ANK1: variants seen among roughly 807,000 people sequenced by gnomAD.
ANK1 encodes ankyrin-1.
ANK1 carries 51 observed loss-of-function variants against 210.4 expected under a neutral mutation model. The ratio of observed to expected loss-of-function variants is 0.24; its 90% CI spans 0.19 to 0.31. The LOEUF is 0.31. Among genes scored for constraint, ANK1 ranks in the 10% least tolerant of loss-of-function variants. The pLI is 1.00. For missense variants in ANK1, 2,051 were observed against 2,504.4 expected, an observed-to-expected ratio of 0.82 and a Z score of 3.86; for synonymous variants, 967 against 1,025.9, an observed-to-expected ratio of 0.94 and a Z score of 1.10.
At chr8:41,763,674 T>C (rs781600278) in intron 1 of ANK1, among the ~76,000 whole-genome samples, 1 of 152,028 alleles carries the variant, frequency 6.6e-6, no homozygotes, top group Admixed American at 6.5e-5. Context: ...GGAAAAATGC[T>C]AGGAGGTCCC....
intron 1 of ANK1, among the ~76,000 whole-genome samples, chr8:41,769,299 C>T (rs1842528637): frequency 6.6e-6 from 1 of 152,230 alleles, no homozygotes; most frequent in Non-Finnish European, 1.5e-5. Context: ...ACAGCCCCTT[C>T]CCTCCCCAGG....
At position 41,655,742 on chromosome 8, in the gene ANK1, C is replaced by T. The variant is rs752874877; in HGVS notation, c.*48G>A. 1.2e-5 allele frequency: 19 copies of T among 1,614,008 alleles called. No homozygotes were observed. The highest frequency in any genetic ancestry group is 1.7e-4 in the Middle Eastern group (1 of 6,054). On this transcript the variant is annotated 3_prime_UTR_variant, in exon 43 of 43. Transcript: ENST00000289734. ...TGTGTGGGGTTCAGGGGTTGGGTGT[C>T]GAGGTGTGATCCTGGGAGACACAAA... is the stretch of plus-strand genomic sequence containing the variant.
rs1563787715 is a variant in ANK1 at position 41,794,266 on chromosome 8, C to CCTCCTCCTG, written c.27+3237_27+3245dup. On this transcript the variant is annotated intron_variant, in intron 1 of 42. Coordinates refer to ENST00000289734, the MANE Select transcript of ANK1 (RefSeq NM_000037.4). ...CCCTTTCCCAATCTCTCTGACCTCA[C>CCTCCTCCTG]CTCCTCCTGCTCCTCCTGCCTCACT... 2.0e-5 allele frequency among the ~76,000 whole-genome samples: 3 copies of CCTCCTCCTG among 152,352 alleles called. No individual in the cohort carries two copies. In the East Asian group the frequency reaches 5.8e-4, roughly 29 times the overall value.
At chr8:41,787,334 C>T (rs1280192296) in intron 1 of ANK1, among the ~76,000 whole-genome samples, 1 of 152,198 alleles carries the variant, frequency 6.6e-6, no homozygotes, top group Non-Finnish European at 1.5e-5. Flanking sequence ...GAAAAGCCTC[C>T]CCTACCTATG....
At chr8:41,657,552 G>A (rs1032956535) in intron 42 of ANK1, among the ~76,000 whole-genome samples, 6 of 152,202 alleles carry the variant, frequency 3.9e-5, no homozygotes, top group Admixed American at 2.6e-4. Context: ...CAGCCTCCTG[G>A]TGCTCCCCAC....
intron 1 of ANK1, among the ~76,000 whole-genome samples, chr8:41,888,540 G>A (rs1247728704): frequency 6.6e-6 from 1 of 152,212 alleles, no homozygotes; most frequent in Non-Finnish European, 1.5e-5. Context: ...TTCTGGGATA[G>A]GCCTGGGAAG....
At chr8:41,679,631 C>T (rs917167637) in intron 37 of ANK1, among the ~76,000 whole-genome samples, 5 of 139,468 alleles carry the variant, frequency 3.6e-5, no homozygotes, top group Admixed American at 2.3e-4. Flanking sequence ...GGCGCAATCT[C>T]GGCTCACTGC....
In ANK1 at chr8:41,694,573, C is replaced by T. The variant is rs200871595; in HGVS notation, c.3327+19G>A. The T allele has an allele frequency of 2.3e-5, 37 of 1,608,274 alleles. No homozygotes were observed. The highest frequency in any genetic ancestry group is 2.0e-4 in the Middle Eastern group (1 of 4,976). On this transcript the variant is annotated intron_variant, in intron 28 of 42. Transcript: ENST00000289734. The surrounding 1 kb of genome is among the most constrained non-coding windows in gnomAD (Gnocchi z 5.7). ...AGTTCAGTCCACCCCCAGGACCTGG[C>T]GGGGAGGAGGGCTGTCACCTGCAGA...
At chr8:41,752,150 C>T (rs776152064) in intron 2 of ANK1, among the ~76,000 whole-genome samples, 10 of 152,320 alleles carry the variant, frequency 6.6e-5, no homozygotes, top group Admixed American at 1.3e-4. Flanking sequence ...AAATAGTCAC[C>T]TTGACCTTCC....
At chr8:41,675,346 CT>C (rs1813788070) in intron 37 of ANK1, among the ~76,000 whole-genome samples, 1 of 152,220 alleles carries the variant, frequency 6.6e-6, no homozygotes, top group African/African-American at 2.4e-5. Context: ...ATTCGCTTGC[CT>C]CAGCCTCCCA....
At position 41,700,584 on chromosome 8, in the gene ANK1, A is replaced by G. The variant is rs949287376; in HGVS notation, c.2461+966T>C. On this transcript the variant is annotated intron_variant, in intron 22 of 42. Coordinates refer to ENST00000289734, the MANE Select transcript of ANK1 (RefSeq NM_000037.4). ...GTTGACAAAGTTATACAACCATGAA[A>G]TTATCCAGATGGAAGGGACCACTGA... 264 of 946,656 alleles carry G rather than the reference A, an allele frequency of 2.8e-4. 1 individual carries two copies. The highest frequency in any genetic ancestry group is 4.9e-5 in the Non-Finnish European group (29 of 590,106). 58.6% of individuals were successfully genotyped at this position (946,656 alleles called of 1,614,324 possible).
intron 1 of ANK1, among the ~76,000 whole-genome samples, chr8:41,890,581 C>T (rs568731025): frequency 1.6e-3 from 245 of 152,044 alleles, no homozygotes; most frequent in African/African-American, 5.6e-3. Flanking sequence ...TGGTGACACG[C>T]GCCTGTAGTC....
At chr8:41,675,906 C>T (rs900716696) in intron 37 of ANK1, among the ~76,000 whole-genome samples, 3 of 152,194 alleles carry the variant, frequency 2.0e-5, no homozygotes, top group South Asian at 2.1e-4. Context: ...TTTCACTCAA[C>T]GTAGTCAATT....
At chr8:41,696,336 GA>G in intron 26 of ANK1, 26 bp downstream of exon 26, 1 of 1,610,632 alleles carries the variant, frequency 6.2e-7, no homozygotes, top group African/African-American at 1.3e-5. Context: ...GGACAGGGGA[GA>G]ACACGGGCTG....
intron 1 of ANK1, among the ~76,000 whole-genome samples, chr8:41,822,097 AGAGAGAGAGAGAGAG>A (rs1563844827): frequency 7.5e-5 from 4 of 53,428 alleles, no homozygotes; most frequent in African/African-American, 3.7e-4. Flanking sequence ...AGAGAGAGAG[AGAGAGAGAGAGAGAG>A]AGAAAGAAAG....
chr8:41,841,227 G>T lies in ANK1; in HGVS notation c.126+55128C>A, dbSNP rs548017776. ...CAGAATATTATTCAGCCTTGAAAAT[G>T]AGGGAAATCCTACTGGGAACTTGGA... On this transcript the variant is annotated intron_variant, in intron 1 of 42. Coordinates refer to the ANK1 transcript ENST00000265709. Among the ~76,000 whole-genome samples the T allele has an allele frequency of 5.9e-5, 9 of 152,336 alleles. No individual in the cohort carries two copies. In the East Asian group the frequency reaches 7.7e-4, roughly 13 times the overall value.
chr8:41,822,386 T>C (rs185367652), intron 1 of ANK1, among the ~76,000 whole-genome samples: 1 of 152,272 alleles, frequency 6.6e-6, no homozygotes, highest in East Asian at 1.9e-4. Context: ...GGGAATGAGG[T>C]GGATCCGTTT....
At chr8:41,741,474 G>A (rs1206520337) in intron 2 of ANK1, among the ~76,000 whole-genome samples, 1 of 152,082 alleles carries the variant, frequency 6.6e-6, no homozygotes, top group Non-Finnish European at 1.5e-5. Context: ...CAGCACTTTG[G>A]GAGGCTGAGG....
In ANK1 at chr8:41,672,757, C is replaced by T. The variant is rs762286773; in HGVS notation, c.4693G>A (p.Asp1565Asn). ...AGGCCCGCAGACCACACCTGCATGT[C>T]AGACATCTCCAGCATGGTGTCATGC... Reference protein sequence around the residue: ...TEHDTMLEMSDMQVWSAGLTP... With the variant: ...TEHDTMLEMSNMQVWSAGLTP... Residue 1565 changes from aspartate to asparagine, a missense_variant, in exon 38 of 43, where the codon GAC becomes AAC. Physicochemically the swap from Asp to Asn is conservative, Grantham distance 23 (BLOSUM62 1). Coordinates refer to ENST00000289734, the MANE Select transcript of ANK1 (RefSeq NM_000037.4). The T allele has an allele frequency of 9.4e-6, 15 of 1,602,320 alleles. No homozygotes were observed. The highest frequency in any genetic ancestry group is 1.2e-5 in the Non-Finnish European group (14 of 1,172,646).
Sources: allele counts gnomAD v4.1 joint callset (sites outside exome capture counted in the v4.1 genomes callset), GRCh38; gene constraint gnomAD v4.1.1; non-coding constraint Gnocchi (gnomAD v3.1); transcripts MANE v1.5; gene names NCBI Gene and HGNC (gene_info 2026-07-23, HGNC 2026-07-21).